MYCBP2: variants seen among roughly 807,000 people sequenced by gnomAD.
MYCBP2 encodes MYC binding protein 2.
A neutral mutation model predicts 525.3 loss-of-function variants in MYCBP2; 120 were observed. That is an observed-to-expected ratio of 0.23 (90% confidence interval 0.20 to 0.27). The LOEUF (loss-of-function observed/expected upper bound fraction) is 0.27, where lower values mean the gene tolerates loss of function less well. Among genes scored for constraint, MYCBP2 ranks in the 10% least tolerant of loss-of-function variants. MYCBP2 has a pLI of 1.00. For synonymous variants in MYCBP2, 1,894 were observed against 1,955.8 expected (o/e 0.97, Z 0.83); for missense variants, 4,149 against 5,657.1 (o/e 0.73, Z 8.55).
chr13:77,322,897 A>C (rs2081855623), intron 1 of MYCBP2, among the ~76,000 whole-genome samples: 1 of 152,222 alleles, frequency 6.6e-6, no homozygotes, highest in South Asian at 2.1e-4. Context: ...TCATCCAAAA[A>C]TATATCTATT....
chr13:77,057,971 G>C (rs1594096684), intron 78 of MYCBP2, among the ~76,000 whole-genome samples: 1 of 151,532 alleles, frequency 6.6e-6, no homozygotes, highest in East Asian at 1.9e-4. Context: ...CTGAGTAGCT[G>C]GGACTACAGG....
rs2038525797 is a variant in MYCBP2 at position 77,058,082 on chromosome 13, C to A, written c.13329+136G>T. On this transcript the variant is annotated intron_variant, in intron 78 of 82. Coordinates refer to ENST00000544440, the MANE Select transcript of MYCBP2 (RefSeq NM_015057.5). The surrounding 1 kb of genome is among the most constrained non-coding windows in gnomAD (Gnocchi z 4.1). ...GTCTCGATCTCCTGACCTCGTGATC[C>A]ACCTGCCTCGGCCTCCCAAAGTGCT... 1 of 865,588 alleles carries A rather than the reference C, an allele frequency of 1.2e-6. No individual in the cohort carries two copies. The highest frequency in any genetic ancestry group is 1.7e-5 in the African/African-American group (1 of 58,246). The allele number at this position is 865,588 out of a possible 1,614,324, so 53.6% of individuals were successfully genotyped here.
Position 77,326,837 on chromosome 13 carries a change from G to A in MYCBP2, c.-62C>T. 7.4e-6 allele frequency: 10 copies of A among 1,360,010 alleles called. No individual in the cohort carries two copies. The South Asian group carries it at 1.6e-4, about 22-fold the overall frequency. 84.2% of individuals were successfully genotyped at this position (1,360,010 alleles called of 1,614,324 possible). A position where few individuals can be genotyped will look rare whatever the true frequency, so the allele number is the denominator to read the frequency against. On this transcript the variant is annotated 5_prime_UTR_variant, in exon 1 of 83. Coordinates refer to ENST00000544440, the MANE Select transcript of MYCBP2 (RefSeq NM_015057.5). The surrounding 1 kb of genome is among the most constrained non-coding windows in gnomAD (Gnocchi z 4.2). ...GCGGGCCGGGCGGGCAGACACGCGC[G>A]CGCACACACAGCCCTTTTCCAACGA...
At chr13:77,125,273 A>C in intron 54 of MYCBP2, 63 bp downstream of exon 54, 1 of 1,574,432 alleles carries the variant, frequency 6.4e-7, no homozygotes, top group African/African-American at 1.4e-5. Context: ...GCAATACAAT[A>C]GGCATTAAAC....
intron 52 of MYCBP2, among the ~76,000 whole-genome samples, chr13:77,127,117 A>G: frequency 6.6e-6 from 1 of 152,044 alleles, no homozygotes; most frequent in Non-Finnish European, 1.5e-5. Flanking sequence ...TGATGCTTAC[A>G]ATATTTTAAC....
intron 62 of MYCBP2, among the ~76,000 whole-genome samples, chr13:77,085,411 A>C (rs1419403877): frequency 6.6e-6 from 1 of 152,174 alleles, no homozygotes; most frequent in Non-Finnish European, 1.5e-5. Flanking sequence ...GTAAACAACT[A>C]TATGCAATGT....
intron 62 of MYCBP2, among the ~76,000 whole-genome samples, chr13:77,083,399 A>G (rs2043640889): frequency 6.6e-6 from 1 of 152,174 alleles, no homozygotes; most frequent in Non-Finnish European, 1.5e-5. Flanking sequence ...CACAAGCAAA[A>G]TCAGCATGCA....
Position 77,140,173 on chromosome 13 carries a change from G to A in MYCBP2, c.7402-10C>T. Reference sequence around the variant, plus strand: ...CCACAAATTTTCGAACCTGAGAAAGGCAAAGATAAACAGTGAGGTAGGAAG... The same window carrying A: ...CCACAAATTTTCGAACCTGAGAAAGACAAAGATAAACAGTGAGGTAGGAAG... On this transcript the variant is annotated splice_polypyrimidine_tract_variant and intron_variant, in intron 50 of 82. Coordinates refer to ENST00000544440, the MANE Select transcript of MYCBP2 (RefSeq NM_015057.5). 6.4e-7 allele frequency: 1 copy of A among 1,568,108 alleles called. No homozygotes were observed. Among genetic ancestry groups the A allele is most frequent in the Non-Finnish European group, 8.7e-7 (1 of 1,152,310 alleles).
chr13:77,225,553 A>G lies in MYCBP2; in HGVS notation c.2739T>C (p.Asp913=). 6.2e-7 allele frequency: 1 copy of G among 1,613,458 alleles called. No individual in the cohort carries two copies. The highest frequency in any genetic ancestry group is 8.5e-7 in the Non-Finnish European group (1 of 1,179,574). Residue 913 remains aspartate (D), a splice_region_variant and synonymous_variant, in exon 19 of 83, where the codon GAT becomes GAC. Coordinates refer to ENST00000544440, the MANE Select transcript of MYCBP2 (RefSeq NM_015057.5). Reference sequence around the variant, plus strand: ...CCTTTTCGCCTCTTTCTCCACTTCCATCTGCAAGTGTTATAATTTGTGAAT... The same window carrying G: ...CCTTTTCGCCTCTTTCTCCACTTCCGTCTGCAAGTGTTATAATTTGTGAAT... ...QLKHKRDKHK[D]GSGERGEKDA... is the part of the protein sequence containing the mutation.
intron 2 of MYCBP2, among the ~76,000 whole-genome samples, 189 bp downstream of exon 2, chr13:77,296,410 G>C (rs1040337888): frequency 5.1e-4 from 76 of 150,480 alleles, no homozygotes; most frequent in African/African-American, 1.9e-3. Flanking sequence ...AAAAAAAAAA[G>C]GCAAGAAAGA....
At chr13:77,130,681 G>A (rs2052613960) in intron 52 of MYCBP2, among the ~76,000 whole-genome samples, 1 of 152,050 alleles carries the variant, frequency 6.6e-6, no homozygotes, top group Non-Finnish European at 1.5e-5. Context: ...TGTCTATACT[G>A]GTTCATCCAC....
At chr13:77,268,929 A>G (rs2074471955) in intron 7 of MYCBP2, among the ~76,000 whole-genome samples, 1 of 152,246 alleles carries the variant, frequency 6.6e-6, no homozygotes, top group Non-Finnish European at 1.5e-5. Context: ...TCACAAGCTC[A>G]GCAAGGCAGG....
intron 4 of MYCBP2, among the ~76,000 whole-genome samples, chr13:77,276,386 A>C (rs547382979): frequency 2.6e-5 from 4 of 152,288 alleles, no homozygotes; most frequent in African/African-American, 9.6e-5. Context: ...ATTAGATTAA[A>C]AAAAGGAGGA....
chr13:77,170,984 A>G (rs948470139), intron 38 of MYCBP2, among the ~76,000 whole-genome samples: 2 of 152,204 alleles, frequency 1.3e-5, no homozygotes, highest in African/African-American at 2.4e-5. Context: ...TATTAACCCT[A>G]TATTAAAAAA....
At chr13:77,303,561 C>A (rs560010523) in intron 1 of MYCBP2, among the ~76,000 whole-genome samples, 65 of 149,276 alleles carry the variant, frequency 4.4e-4, no homozygotes, top group African/African-American at 1.6e-3. Flanking sequence ...TAAAAAAAAA[C>A]AAACAACTAA....
At chr13:77,220,471 A>G (rs7323354) in intron 20 of MYCBP2, among the ~76,000 whole-genome samples, 1,577 of 152,268 alleles carry the variant, frequency 0.01, 33 homozygotes, top group African/African-American at 0.035. Flanking sequence ...CTGGCAATAT[A>G]ACACATTAAA....
Position 77,278,846 on chromosome 13 carries a change from G to A in MYCBP2, c.660C>T (p.Ser220=), listed in dbSNP as rs755102141. ...GGGCTTGGAGACTCCTGAGACACAGGGATGGATGAGAAAATCGTGTCTCTT... is the reference window on the plus strand; with the variant it reads ...GGGCTTGGAGACTCCTGAGACACAGAGATGGATGAGAAAATCGTGTCTCTT... ...LIKETRFSHP[S]LCLRSLQALL... Residue 220 remains serine, a synonymous_variant, in exon 4 of 83, where the codon TCC becomes TCT. Coordinates refer to ENST00000544440, the MANE Select transcript of MYCBP2 (RefSeq NM_015057.5). 1.3e-6 allele frequency: 2 copies of A among 1,598,512 alleles called. No individual in the cohort carries two copies. The highest frequency in any genetic ancestry group is 4.6e-5 in the East Asian group (2 of 43,512).
intron 46 of MYCBP2, among the ~76,000 whole-genome samples, chr13:77,152,861 C>G (rs796577506): frequency 4.6e-5 from 7 of 152,056 alleles, no homozygotes; most frequent in African/African-American, 1.7e-4. Flanking sequence ...GTCAGGAGAT[C>G]GAGACCATCC....
intron 46 of MYCBP2, among the ~76,000 whole-genome samples, chr13:77,152,204 A>G (rs2056566113): frequency 6.6e-6 from 1 of 152,216 alleles, no homozygotes; most frequent in African/African-American, 2.4e-5. Context: ...ATGTTCCATT[A>G]AGTGACCACT....
Sources: allele counts gnomAD v4.1 joint callset (sites outside exome capture counted in the v4.1 genomes callset), GRCh38; gene constraint gnomAD v4.1.1; non-coding constraint Gnocchi (gnomAD v3.1); transcripts MANE v1.5; gene names NCBI Gene and HGNC (gene_info 2026-07-23, HGNC 2026-07-21).